SOBP: variants seen among roughly 807,000 people sequenced by gnomAD.
SOBP encodes the protein sine oculis binding protein homolog, also known as sine oculis-binding protein homolog.
SOBP carries 4 observed loss-of-function variants against 53.6 expected under a neutral mutation model. That is an observed-to-expected ratio of 0.07 (90% CI 0.04 to 0.17). The LOEUF is 0.17. Among genes scored for constraint, SOBP ranks in the 10% least tolerant of loss-of-function variants. The probability of loss-of-function intolerance (pLI) is 1.00; values close to 1 mark genes in which losing one functional copy is unlikely to be tolerated. For missense variants in SOBP, 1,088 were observed against 1,204.7 expected, an observed-to-expected ratio of 0.90 and a Z score of 1.43; for synonymous variants, 584 against 522.6, an observed-to-expected ratio of 1.12 and a Z score of -1.60.
intron 4 of SOBP, among the ~76,000 whole-genome samples, chr6:107,572,201 T>G (rs1785092767): frequency 6.6e-6 from 1 of 151,886 alleles, no homozygotes; most frequent in Non-Finnish European, 1.5e-5. Flanking sequence ...AATTTTGAAC[T>G]GAATTCTAAA....
In SOBP at chr6:107,659,235, CAA is replaced by C. The variant is rs1562133357; in HGVS notation, c.*1033_*1034del. The C allele has an allele frequency of 6.5e-6, 1 of 152,676 alleles. No individual in the cohort carries two copies. Among genetic ancestry groups the C allele is most frequent in the South Asian group, 2.1e-4 (1 of 4,824 alleles). 9.5% of individuals were successfully genotyped at this position (152,676 alleles called of 1,614,324 possible). ...AATGGTATGGACAAACCAATGAAAA[CAA>C]GAGGGAAAGTGAGAAAGATCACCCA... is the stretch of plus-strand genomic sequence containing the variant. On this transcript the variant is annotated 3_prime_UTR_variant, in exon 7 of 7. Coordinates refer to ENST00000317357, the MANE Select transcript of SOBP (RefSeq NM_018013.4).
intron 5 of SOBP, among the ~76,000 whole-genome samples, chr6:107,622,054 GT>G (rs1770204558): frequency 6.6e-6 from 1 of 152,160 alleles, no homozygotes; most frequent in Non-Finnish European, 1.5e-5. Context: ...AGGTAAAACA[GT>G]TGGCCCTGTT....
Position 107,532,241 on chromosome 6 carries a change from T to TCTCACACACACACACA in SOBP, c.422-1217_422-1216insTCACACACACACACAC, listed in dbSNP as rs373567492. Among the ~76,000 whole-genome samples, 5 of 139,740 alleles carry TCTCACACACACACACA rather than the reference T, an allele frequency of 3.6e-5. 1 individual carries two copies. Among genetic ancestry groups the TCTCACACACACACACA allele is most frequent in the Non-Finnish European group, 7.8e-5 (5 of 63,968 alleles). The allele number at this position is 139,740 out of a possible 152,430, so 91.7% of individuals were successfully genotyped here. On this transcript the variant is annotated intron_variant, in intron 3 of 6. Coordinates refer to ENST00000317357, the MANE Select transcript of SOBP (RefSeq NM_018013.4). The stretch of plus-strand genomic sequence containing the variant: ...ATGTGGCAATCAGTCTCTCTCTCTC[T>TCTCACACACACACACA]CACACACACACACACACACACACAC...
chr6:107,534,948 C>T (rs1438002567), intron 4 of SOBP, among the ~76,000 whole-genome samples: 4 of 152,108 alleles, frequency 2.6e-5, no homozygotes, highest in African/African-American at 4.8e-5. Context: ...TTTTGAATGC[C>T]GAGCACTGGA....
intron 4 of SOBP, among the ~76,000 whole-genome samples, chr6:107,545,390 G>A (rs886301631): frequency 4.6e-5 from 7 of 152,172 alleles, no homozygotes; most frequent in Admixed American, 1.3e-4. Flanking sequence ...GTGATAAAAC[G>A]GAAAGAGAAC....
At chr6:107,506,826 C>T (rs964423907) in intron 3 of SOBP, among the ~76,000 whole-genome samples, 8 of 151,964 alleles carry the variant, frequency 5.3e-5, no homozygotes, top group African/African-American at 1.2e-4. Flanking sequence ...GAGGCTGAGG[C>T]GGGCGGATCA....
intron 3 of SOBP, among the ~76,000 whole-genome samples, chr6:107,510,368 G>A (rs907234201): frequency 6.6e-6 from 1 of 152,182 alleles, no homozygotes; most frequent in Non-Finnish European, 1.5e-5. Flanking sequence ...CCGAGGTGCA[G>A]TATGTATTTC....
intron 5 of SOBP, among the ~76,000 whole-genome samples, chr6:107,633,145 A>C (rs567581998): frequency 5.8e-4 from 88 of 152,382 alleles, no homozygotes; most frequent in South Asian, 1.0e-3. Context: ...CTTTCCCTCC[A>C]AAACTCTTTA....
At chr6:107,538,766 A>C (rs1440646544) in intron 4 of SOBP, among the ~76,000 whole-genome samples, 9 of 152,192 alleles carry the variant, frequency 5.9e-5, no homozygotes, top group Non-Finnish European at 1.2e-4. Flanking sequence ...AAAGAACAAC[A>C]AACCCAAGTG....
At chr6:107,648,928 G>C (rs1269868837) in intron 6 of SOBP, among the ~76,000 whole-genome samples, 6 of 152,088 alleles carry the variant, frequency 3.9e-5, no homozygotes, top group Non-Finnish European at 8.8e-5. Flanking sequence ...CCTAGTCTGG[G>C]CACAGCGGCT....
chr6:107,620,791 G>A (rs2115118732), intron 5 of SOBP, among the ~76,000 whole-genome samples: 1 of 152,250 alleles, frequency 6.6e-6, no homozygotes, highest in East Asian at 1.9e-4. Flanking sequence ...TTTTTTCTGT[G>A]TCTCACCAGA....
At chr6:107,627,775 C>T (rs923911210) in intron 5 of SOBP, among the ~76,000 whole-genome samples, 7 of 152,176 alleles carry the variant, frequency 4.6e-5, no homozygotes, top group Non-Finnish European at 1.0e-4. Context: ...TATAAGAGCC[C>T]TTCCTGTTTC....
chr6:107,559,404 C>G (rs1234049100), intron 4 of SOBP, among the ~76,000 whole-genome samples: 1 of 152,112 alleles, frequency 6.6e-6, no homozygotes, highest in African/African-American at 2.4e-5. Context: ...CTTCAATATA[C>G]ACATCCTTTA....
At chr6:107,618,075 C>T (rs1426869060) in intron 5 of SOBP, among the ~76,000 whole-genome samples, 4 of 151,990 alleles carry the variant, frequency 2.6e-5, no homozygotes, top group Admixed American at 6.6e-5. Flanking sequence ...GTGATGCGCC[C>T]GCCTCAGCCT....
intron 4 of SOBP, among the ~76,000 whole-genome samples, chr6:107,572,817 C>T (rs948093625): frequency 2.6e-5 from 4 of 152,042 alleles, no homozygotes; most frequent in East Asian, 3.8e-4. Context: ...ACAAAGTTTA[C>T]GTAGGGTGAA....
chr6:107,545,558 G>A (rs1038737382), intron 4 of SOBP, among the ~76,000 whole-genome samples: 1 of 152,160 alleles, frequency 6.6e-6, no homozygotes, highest in Non-Finnish European at 1.5e-5. Context: ...GAAATGTAGT[G>A]ACAAATAAAT....
intron 6 of SOBP, among the ~76,000 whole-genome samples, chr6:107,638,911 T>A (rs1053792549): frequency 6.6e-6 from 1 of 151,964 alleles, no homozygotes; most frequent in Non-Finnish European, 1.5e-5. Context: ...TTATTTTATT[T>A]ATTATTTTTT....
chr6:107,508,015 A>G (rs978223703), intron 3 of SOBP, among the ~76,000 whole-genome samples: 1 of 152,192 alleles, frequency 6.6e-6, no homozygotes, highest in Non-Finnish European at 1.5e-5. Context: ...AGAATGTTTA[A>G]TTGTAACGCT....
At chr6:107,577,629 A>T (rs1785270857) in intron 4 of SOBP, among the ~76,000 whole-genome samples, 1 of 152,218 alleles carries the variant, frequency 6.6e-6, no homozygotes. Flanking sequence ...ATTGTATCAT[A>T]ATATTGATGA....
Sources: gnomAD v4.1 joint callset for allele counts (sites outside exome capture counted in the v4.1 genomes callset) on GRCh38, gnomAD v4.1.1 for gene constraint, MANE v1.5 for transcripts, NCBI Gene and HGNC (gene_info 2026-07-23, HGNC 2026-07-21) for gene names.